Variants in BMP6 observed in about 807,000 individuals in gnomAD.
BMP6 encodes bone morphogenetic protein 6.
In BMP6, 17 loss-of-function variants were observed where a neutral mutation model predicts 54.1. That is an observed-to-expected ratio of 0.31 (90% CI 0.22 to 0.47). BMP6 has a LOEUF of 0.47. BMP6 is among the 20% of genes least tolerant of loss of function. The probability of loss-of-function intolerance (pLI) is 1.00; values close to 1 mark genes in which losing one functional copy is unlikely to be tolerated. For synonymous variants in BMP6, 328 were observed against 291.2 expected (o/e 1.13, Z -1.28); for missense variants, 720 against 690.4 (o/e 1.04, Z -0.48).
intron 5 of BMP6, 109 bp downstream of exon 5, chr6:7,879,259 C>T: frequency 8.4e-7 from 1 of 1,184,898 alleles, no homozygotes; most frequent in Non-Finnish European, 1.2e-6. Context: ...GGCTGAGCTG[C>T]TTCCTTCTGT....
chr6:7,879,851 G>T, intron 5 of BMP6, 140 bp from the exon 6 acceptor site: 1 of 873,380 alleles, frequency 1.1e-6, no homozygotes, highest in Non-Finnish European at 1.8e-6. Flanking sequence ...ATGTGAACTT[G>T]GACAAATTCC....
chr6:7,741,973 A>G (rs200148450), intron 1 of BMP6, among the ~76,000 whole-genome samples: 4 of 152,238 alleles, frequency 2.6e-5, no homozygotes, highest in East Asian at 3.8e-4. Flanking sequence ...TCGATACCCA[A>G]TAAGTGCACA....
At chr6:7,862,618 G>T (rs1759353456) in intron 4 of BMP6, 120 bp downstream of exon 4, 2 of 1,268,478 alleles carry the variant, frequency 1.6e-6, no homozygotes, top group Non-Finnish European at 2.2e-6. Flanking sequence ...AGGCAAATAG[G>T]TGTCATATGC....
rs1761727846 is a variant in BMP6, at chr6:7,726,597, C to T, written c.-359C>T. On this transcript the variant is annotated 5_prime_UTR_variant, in exon 1 of 7. Coordinates refer to ENST00000283147, the MANE Select transcript of BMP6 (RefSeq NM_001718.6). ...AGCGCACGTGTGCGGCCAGCGAGGC[C>T]CAGAGTGACCGCGCCGCGACTCGCA... 6.6e-6 allele frequency among the ~76,000 whole-genome samples: 1 copy of T among 152,100 alleles called. No individual in the cohort carries two copies. Among genetic ancestry groups the T allele is most frequent in the African/African-American group, 2.4e-5 (1 of 41,442 alleles).
intron 4 of BMP6, among the ~76,000 whole-genome samples, chr6:7,872,821 T>C (rs1159639039): frequency 1.3e-5 from 2 of 151,058 alleles, no homozygotes; most frequent in East Asian, 1.9e-4. Context: ...TTTCTTTTTT[T>C]TTTTTTTTTG....
At chr6:7,737,680 C>G (rs1561755099) in intron 1 of BMP6, among the ~76,000 whole-genome samples, 1 of 151,746 alleles carries the variant, frequency 6.6e-6, no homozygotes, top group Non-Finnish European at 1.5e-5. Flanking sequence ...AAATTGGCAA[C>G]TCCATTGCAC....
At chr6:7,741,040 A>G (rs541363711) in intron 1 of BMP6, among the ~76,000 whole-genome samples, 5 of 150,800 alleles carry the variant, frequency 3.3e-5, no homozygotes, top group South Asian at 2.1e-4. Context: ...CATCTCTTCT[A>G]CTCATCTTTC....
At chr6:7,856,584 T>G (rs898243529) in intron 2 of BMP6, among the ~76,000 whole-genome samples, 9 of 146,694 alleles carry the variant, frequency 6.1e-5, no homozygotes, top group African/African-American at 2.3e-4. Flanking sequence ...AAATGCCAGT[T>G]TATCAAGAGC....
intron 1 of BMP6, among the ~76,000 whole-genome samples, chr6:7,756,583 T>G (rs929183666): frequency 6.6e-6 from 1 of 152,196 alleles, no homozygotes; most frequent in African/African-American, 2.4e-5. Context: ...TGCTGGATTT[T>G]GTTATATTCC....
At chr6:7,877,472 A>T (rs1759638772) in intron 4 of BMP6, among the ~76,000 whole-genome samples, 1 of 152,040 alleles carries the variant, frequency 6.6e-6, no homozygotes, top group African/African-American at 2.4e-5. Flanking sequence ...AAATACAAAA[A>T]ATTAGCTGGG....
At chr6:7,748,555 G>A (rs1182821767) in intron 1 of BMP6, among the ~76,000 whole-genome samples, 1 of 152,176 alleles carries the variant, frequency 6.6e-6, no homozygotes, top group African/African-American at 2.4e-5. Context: ...AACCTACGAG[G>A]CTGAAGCATT....
At chr6:7,861,270 G>C (rs1759329492) in intron 2 of BMP6, among the ~76,000 whole-genome samples, 181 bp from the exon 3 acceptor site, 1 of 152,092 alleles carries the variant, frequency 6.6e-6, no homozygotes, top group South Asian at 2.1e-4. Flanking sequence ...TCCTAATTGT[G>C]TCATGCCTGT....
chr6:7,830,981 T>C (rs1197044698), intron 1 of BMP6, among the ~76,000 whole-genome samples: 3 of 152,172 alleles, frequency 2.0e-5, no homozygotes, highest in Non-Finnish European at 4.4e-5. Flanking sequence ...TGAAAACACG[T>C]ACTCACATAC....
chr6:7,751,607 A>G (rs1203619694), intron 1 of BMP6, among the ~76,000 whole-genome samples: 1 of 152,210 alleles, frequency 6.6e-6, no homozygotes, highest in Non-Finnish European at 1.5e-5. Context: ...TTACACAGAA[A>G]CATCATTAAA....
At chr6:7,741,162 C>CCT (rs1757243369) in intron 1 of BMP6, among the ~76,000 whole-genome samples, 1 of 152,174 alleles carries the variant, frequency 6.6e-6, no homozygotes, top group African/African-American at 2.4e-5. Context: ...AGTTCAAATG[C>CCT]CATCTCGTTA....
In BMP6 at chr6:7,855,514, C is replaced by T. The variant is rs1185728417; in HGVS notation, c.858-5937C>T. Among the ~76,000 whole-genome samples the T allele has an allele frequency of 4.7e-5, 7 of 148,846 alleles. 1 individual carries two copies. In the South Asian group the frequency reaches 1.1e-3, roughly 23 times the overall value. On this transcript the variant is annotated intron_variant, in intron 2 of 6. Transcript: ENST00000283147. ...GCTCTGCCCTTGCTGGCTGTGTGAC[C>T]ATGTGCAAGCCACTTAATCTCAATC...
At chr6:7,826,201 G>T (rs949855179) in intron 1 of BMP6, among the ~76,000 whole-genome samples, 5 of 152,178 alleles carry the variant, frequency 3.3e-5, no homozygotes, top group African/African-American at 1.2e-4. Flanking sequence ...TTTGTCCTTG[G>T]TTCAAAAAGC....
At chr6:7,797,048 C>A (rs1021758391) in intron 1 of BMP6, among the ~76,000 whole-genome samples, 1 of 152,060 alleles carries the variant, frequency 6.6e-6, no homozygotes, top group African/African-American at 2.4e-5. Context: ...CTCAGTGTCT[C>A]CTTGAAAGAA....
intron 1 of BMP6, among the ~76,000 whole-genome samples, chr6:7,811,452 A>G (rs1421729401): frequency 6.6e-6 from 1 of 152,148 alleles, no homozygotes; most frequent in Non-Finnish European, 1.5e-5. Flanking sequence ...GGTAGTTGCT[A>G]TGTCCGCCTT....
Sources: allele counts gnomAD v4.1 joint callset (sites outside exome capture counted in the v4.1 genomes callset), GRCh38; gene constraint gnomAD v4.1.1; transcripts MANE v1.5; gene names NCBI Gene and HGNC (gene_info 2026-07-23, HGNC 2026-07-21).